Variants in BMAL2 observed in about 807,000 individuals in gnomAD.
BMAL2 encodes the protein basic helix-loop-helix ARNT-like protein 2.
chr12:27,424,839 A>T, the BMAL2 span: 1 of 152,220 alleles, frequency 6.6e-6, no homozygotes, highest in African/African-American at 2.4e-5. Flanking sequence ...TGCTTTCATT[A>T]GCAGATCTTT....
the BMAL2 span, among the ~76,000 whole-genome samples, chr12:27,393,854 A>G: frequency 9.8e-5 from 15 of 152,332 alleles, no homozygotes; most frequent in Admixed American, 2.6e-4. Flanking sequence ...ATGTAAACTA[A>G]TAAGTGGGTG....
At chr12:27,418,282 T>C in the BMAL2 span, 1 of 893,336 alleles carries the variant, frequency 1.1e-6, no homozygotes, top group Non-Finnish European at 1.8e-6. Flanking sequence ...AGGAAATTTG[T>C]AGAGAAGCAG....
the BMAL2 span, among the ~76,000 whole-genome samples, chr12:27,366,747 T>A: frequency 6.6e-6 from 1 of 152,244 alleles, no homozygotes; most frequent in Non-Finnish European, 1.5e-5. Flanking sequence ...AAAAGCTTTA[T>A]GTACCAAAGT....
chr12:27,385,455 A>G, the BMAL2 span: 64,176 of 1,513,352 alleles, frequency 0.042, 1,609 homozygotes, highest in African/African-American at 0.063. Flanking sequence ...TATATTTCCA[A>G]TAACTCTTGA....
chr12:27,345,687 GA>G, the BMAL2 span, among the ~76,000 whole-genome samples: 2 of 151,944 alleles, frequency 1.3e-5, no homozygotes, highest in Non-Finnish European at 2.9e-5. Context: ...TTTTTTTGTA[GA>G]AATGGGATTT....
chr12:27,407,599 T>C, the BMAL2 span, among the ~76,000 whole-genome samples: 3 of 151,784 alleles, frequency 2.0e-5, no homozygotes, highest in Admixed American at 2.0e-4. Flanking sequence ...AAGCAGTGTG[T>C]AGAGGGAAAT....
the BMAL2 span, among the ~76,000 whole-genome samples, chr12:27,346,140 A>G: frequency 6.6e-6 from 1 of 152,070 alleles, no homozygotes; most frequent in African/African-American, 2.4e-5. Context: ...TCCGAATCCA[A>G]CTCATACTAA....
the BMAL2 span, among the ~76,000 whole-genome samples, chr12:27,354,157 G>T: frequency 0.048 from 7,273 of 152,198 alleles, 579 homozygotes; most frequent in African/African-American, 0.17. Flanking sequence ...GCAAATACAG[G>T]GAATCAACCT....
the BMAL2 span, among the ~76,000 whole-genome samples, chr12:27,379,680 G>T: frequency 6.6e-6 from 1 of 152,072 alleles, no homozygotes; most frequent in Non-Finnish European, 1.5e-5. Context: ...GGTTGTGGAA[G>T]GTTAATGTTA....
At chr12:27,394,676 G>A in the BMAL2 span, 3 of 152,134 alleles carry the variant, frequency 2.0e-5, no homozygotes, top group Non-Finnish European at 2.9e-5. Flanking sequence ...TAAGTTTTTA[G>A]CAAATGCTGT....
chr12:27,338,924 T>C, the BMAL2 span, among the ~76,000 whole-genome samples: 3 of 152,240 alleles, frequency 2.0e-5, no homozygotes, highest in Admixed American at 2.0e-4. Flanking sequence ...CTCTTTCATC[T>C]TTTCTTTCCT....
chr12:27,368,530 A>C, the BMAL2 span: 1 of 1,258,718 alleles, frequency 7.9e-7, no homozygotes, highest in South Asian at 1.5e-5. Flanking sequence ...GAGATGGGAG[A>C]GTACTTATCC....
chr12:27,400,467 C>T, the BMAL2 span: 11 of 1,305,486 alleles, frequency 8.4e-6, no homozygotes, highest in South Asian at 1.4e-4. Flanking sequence ...TTATAGATGT[C>T]AATATAAGAA....
the BMAL2 span, among the ~76,000 whole-genome samples, chr12:27,363,804 C>T: frequency 2.6e-5 from 4 of 152,256 alleles, no homozygotes; most frequent in African/African-American, 9.6e-5. Context: ...TCAACATTAA[C>T]TTAAAGATTG....
At chr12:27,359,939 G>A in the BMAL2 span, among the ~76,000 whole-genome samples, 1 of 151,188 alleles carries the variant, frequency 6.6e-6, no homozygotes, top group Middle Eastern at 3.4e-3. Context: ...TGTAGTCCCA[G>A]CTACTTAGGA....
the BMAL2 span, among the ~76,000 whole-genome samples, chr12:27,409,799 G>A: frequency 6.6e-6 from 1 of 152,184 alleles, no homozygotes; most frequent in Admixed American, 6.5e-5. Flanking sequence ...CCATCAGAGT[G>A]AACAGGCAAC....
chr12:27,348,331 T>G, the BMAL2 span, among the ~76,000 whole-genome samples: 1 of 152,192 alleles, frequency 6.6e-6, no homozygotes, highest in African/African-American at 2.4e-5. Context: ...TGTGGTCACT[T>G]TTGCACATGG....
the BMAL2 span, among the ~76,000 whole-genome samples, chr12:27,352,563 A>G: frequency 8.6e-5 from 1 of 11,582 alleles, no homozygotes; most frequent in African/African-American, 3.0e-4. Context: ...CCTACTCAAC[A>G]TAGTCCTGGG....
chr12:27,383,559 G>A, the BMAL2 span, among the ~76,000 whole-genome samples: 1 of 152,086 alleles, frequency 6.6e-6, no homozygotes, highest in African/African-American at 2.4e-5. Context: ...ACCGAGTCAG[G>A]GCTCGCCTGT....
Sources: gnomAD v4.1 joint callset for allele counts (sites outside exome capture counted in the v4.1 genomes callset) on GRCh38, gnomAD v4.1.1 for gene constraint, MANE v1.5 for transcripts, NCBI Gene and HGNC (gene_info 2026-07-23, HGNC 2026-07-21) for gene names.